WDR41: variants seen among roughly 807,000 people sequenced by gnomAD.
The protein encoded by WDR41 is WD repeat domain 41, also known as WD repeat-containing protein 41.
Under a neutral mutation model 69.3 loss-of-function variants are expected in WDR41, and 63 were observed. That is an observed-to-expected ratio of 0.91 (90% confidence interval 0.74 to 1.12). The LOEUF (loss-of-function observed/expected upper bound fraction) is 1.12. Ranked by LOEUF, WDR41 falls within the 50% of genes most tolerant of loss-of-function variation. The pLI is 0.00. For synonymous variants in WDR41, 185 were observed against 192.1 expected, an observed-to-expected ratio of 0.96 and a Z score of 0.31; for missense variants, 543 against 534.5, an observed-to-expected ratio of 1.02 and a Z score of -0.16.
At chr5:77,506,137 A>G (rs1802102355) in intron 1 of WDR41, among the ~76,000 whole-genome samples, 1 of 152,210 alleles carries the variant, frequency 6.6e-6, no homozygotes, top group African/African-American at 2.4e-5. Context: ...CAATCTATCC[A>G]TCTGACAAAG....
intron 2 of WDR41, among the ~76,000 whole-genome samples, chr5:77,476,195 G>C (rs1298343667): frequency 6.6e-6 from 1 of 152,164 alleles, no homozygotes; most frequent in Non-Finnish European, 1.5e-5. Flanking sequence ...ATCTACGTCT[G>C]ACTGGTGTAA....
intron 1 of WDR41, among the ~76,000 whole-genome samples, chr5:77,508,405 C>T (rs899114260): frequency 2.0e-5 from 3 of 152,234 alleles, no homozygotes; most frequent in Non-Finnish European, 4.4e-5. Context: ...TGAGCCACCA[C>T]ACCTGGCCCT....
At chr5:77,526,112 AG>A (rs1802442566) in intron 1 of WDR41, among the ~76,000 whole-genome samples, 1 of 152,242 alleles carries the variant, frequency 6.6e-6, no homozygotes, top group African/African-American at 2.4e-5. Context: ...ACACTAAAAT[AG>A]AGGAAATAGT....
At chr5:77,459,010 T>C in intron 5 of WDR41, 52 bp downstream of exon 5, 2 of 1,355,372 alleles carry the variant, frequency 1.5e-6, no homozygotes, top group Non-Finnish European at 2.1e-6. Context: ...AACCATGTCT[T>C]CTGAGACAAA....
rs1263593989 is a variant in WDR41, at chr5:77,436,176, G to A, written c.1227+85C>T. The A allele has an allele frequency of 7.9e-6, 12 of 1,514,876 alleles. No homozygotes were observed. In the Admixed American group the frequency reaches 2.5e-4, roughly 31 times the overall value. 93.8% of individuals were successfully genotyped at this position (1,514,876 alleles called of 1,614,324 possible). On this transcript the variant is annotated intron_variant, in intron 12 of 12. Transcript: ENST00000296679. ...CCTACAGATATAAGAAAAAGTATAT[G>A]CCTTTATGAGATCAACTGAAAGAAA...
chr5:77,439,532 A>T (rs184799095), intron 9 of WDR41, among the ~76,000 whole-genome samples: 245 of 152,334 alleles, frequency 1.6e-3, no homozygotes, highest in African/African-American at 5.3e-3. Context: ...CATTCTATAG[A>T]CCAGGAAATC....
intron 1 of WDR41, among the ~76,000 whole-genome samples, chr5:77,594,475 A>G (rs957594694): frequency 6.6e-6 from 1 of 152,138 alleles, no homozygotes; most frequent in Non-Finnish European, 1.5e-5. Flanking sequence ...AATTAAATAC[A>G]TCTTGGCATA....
chr5:77,568,279 C>T (rs1903263), intron 1 of WDR41, among the ~76,000 whole-genome samples: 48,892 of 152,030 alleles, frequency 0.32, 8,917 homozygotes, highest in African/African-American at 0.48. Flanking sequence ...GGCCAAACCA[C>T]GACAAGGGCT....
At chr5:77,567,007 TTCTTG>T (rs1743645260) in intron 1 of WDR41, among the ~76,000 whole-genome samples, 1 of 152,164 alleles carries the variant, frequency 6.6e-6, no homozygotes, top group East Asian at 1.9e-4. Flanking sequence ...TGAACCAACT[TTCTTG>T]TCTTGAACTA....
At chr5:77,497,493 A>G (rs1581773871) in intron 1 of WDR41, among the ~76,000 whole-genome samples, 1 of 152,234 alleles carries the variant, frequency 6.6e-6, no homozygotes, top group South Asian at 2.1e-4. Flanking sequence ...AAGCACCTGA[A>G]AAGAAGCTCA....
chr5:77,597,918 G>C (rs1168713598), intron 1 of WDR41, among the ~76,000 whole-genome samples: 1 of 152,152 alleles, frequency 6.6e-6, no homozygotes, highest in Non-Finnish European at 1.5e-5. Context: ...AGGAGGTGAT[G>C]GGAAATACGC....
At chr5:77,506,959 A>T (rs1276556084) in intron 1 of WDR41, among the ~76,000 whole-genome samples, 2 of 152,214 alleles carry the variant, frequency 1.3e-5, no homozygotes, top group Admixed American at 6.5e-5. Flanking sequence ...TGGGTGCAGC[A>T]AACCAACATG....
At chr5:77,596,765 C>T (rs1182072069) in intron 1 of WDR41, among the ~76,000 whole-genome samples, 1 of 152,100 alleles carries the variant, frequency 6.6e-6, no homozygotes, top group African/African-American at 2.4e-5. Flanking sequence ...TGATTTTGCA[C>T]CATCACGGCA....
At chr5:77,547,616 C>A (rs1428247649) in intron 1 of WDR41, among the ~76,000 whole-genome samples, 3 of 149,046 alleles carry the variant, frequency 2.0e-5, no homozygotes, top group Non-Finnish European at 1.5e-5. Context: ...CAAAACACTG[C>A]TGAAAGAAAA....
chr5:77,590,043 C>A (rs1431101621), intron 1 of WDR41, among the ~76,000 whole-genome samples: 1 of 152,020 alleles, frequency 6.6e-6, no homozygotes, highest in Non-Finnish European at 1.5e-5. Context: ...GATTTTCTAT[C>A]AATGCTTTTT....
intron 1 of WDR41, among the ~76,000 whole-genome samples, chr5:77,590,518 C>T (rs1056935006): frequency 2.6e-5 from 4 of 152,128 alleles, no homozygotes; most frequent in African/African-American, 7.2e-5. Context: ...CCACAGATAC[C>T]TTTAATTGGG....
intron 1 of WDR41, among the ~76,000 whole-genome samples, chr5:77,611,899 A>T (rs1464873874): frequency 6.6e-6 from 1 of 152,172 alleles, no homozygotes; most frequent in African/African-American, 2.4e-5. Context: ...TGCTAGCAAG[A>T]CTAATAAAGA....
intron 1 of WDR41, among the ~76,000 whole-genome samples, chr5:77,536,708 A>C (rs1256438919): frequency 6.6e-6 from 1 of 152,188 alleles, no homozygotes; most frequent in African/African-American, 2.4e-5. Flanking sequence ...ATTATTCAGA[A>C]GAGTCACTTG....
At chr5:77,433,363 CG>C in intron 12 of WDR41, 76 bp from the exon 13 acceptor site, 1 of 1,394,234 alleles carries the variant, frequency 7.2e-7, no homozygotes, top group Non-Finnish European at 9.7e-7. Context: ...AACACATGTG[CG>C]TGTGAGATAT....
Sources: allele counts gnomAD v4.1 joint callset (sites outside exome capture counted in the v4.1 genomes callset), GRCh38; gene constraint gnomAD v4.1.1; transcripts MANE v1.5; gene names NCBI Gene and HGNC (gene_info 2026-07-23, HGNC 2026-07-21).